Variants in GTF2F2 observed in about 807,000 individuals in gnomAD.
GTF2F2 encodes general transcription factor IIF subunit 2.
In GTF2F2, 23 loss-of-function variants were observed where a neutral mutation model predicts 42.2. The ratio of observed to expected loss-of-function variants is 0.55; its 90% CI spans 0.39 to 0.77. GTF2F2 has a LOEUF of 0.77. Ranked by LOEUF, GTF2F2 falls within the 30% of genes least tolerant of loss-of-function variation. The probability of loss-of-function intolerance (pLI) is 0.00; values close to 1 mark genes in which losing one functional copy is unlikely to be tolerated. For missense variants in GTF2F2, 261 were observed against 287.2 expected (o/e 0.91, Z 0.66); for synonymous variants, 105 against 100.8 (o/e 1.04, Z -0.25).
chr13:45,169,035 G>T (rs553318198), intron 4 of GTF2F2, among the ~76,000 whole-genome samples: 1 of 148,918 alleles, frequency 6.7e-6, no homozygotes, highest in African/African-American at 2.5e-5. Context: ...TCACCCCGTT[G>T]CCCAGGCTGG....
At chr13:45,197,413 G>T (rs1406215535) in intron 4 of GTF2F2, among the ~76,000 whole-genome samples, 1 of 151,226 alleles carries the variant, frequency 6.6e-6, no homozygotes, top group Non-Finnish European at 1.5e-5. Context: ...GGAGGCTGAG[G>T]CAGGAGAATC....
chr13:45,124,405 T>C (rs975270603), intron 1 of GTF2F2, among the ~76,000 whole-genome samples: 2 of 150,200 alleles, frequency 1.3e-5, no homozygotes, highest in East Asian at 2.1e-4. Flanking sequence ...TTTTAAAAAA[T>C]TATTTTTGCG....
intron 4 of GTF2F2, 59 bp downstream of exon 4, chr13:45,151,890 C>A: frequency 1.3e-5 from 7 of 530,872 alleles, no homozygotes; most frequent in South Asian, 3.2e-5. Flanking sequence ...GATTTTCTGT[C>A]TCAACATACA....
intron 4 of GTF2F2, among the ~76,000 whole-genome samples, chr13:45,179,624 T>G (rs1417579971): frequency 6.6e-6 from 1 of 152,228 alleles, no homozygotes; most frequent in African/African-American, 2.4e-5. Context: ...CCCTCATGCC[T>G]TGGGAGGCTG....
chr13:45,227,744 T>A (rs1874430429), intron 5 of GTF2F2, among the ~76,000 whole-genome samples: 2 of 152,208 alleles, frequency 1.3e-5, no homozygotes, highest in African/African-American at 4.8e-5. Context: ...ACATATTGGG[T>A]TATTTTTCCT....
At chr13:45,147,298 G>A (rs1349738403) in intron 2 of GTF2F2, among the ~76,000 whole-genome samples, 1 of 152,136 alleles carries the variant, frequency 6.6e-6, no homozygotes, top group Non-Finnish European at 1.5e-5. Flanking sequence ...TACTTTCTAT[G>A]TGGGTGTTTG....
At chr13:45,217,766 T>A (rs1025316785) in intron 5 of GTF2F2, among the ~76,000 whole-genome samples, 3 of 152,350 alleles carry the variant, frequency 2.0e-5, no homozygotes, top group African/African-American at 7.2e-5. Context: ...TCACTCACAG[T>A]TGAAAATCAA....
At chr13:45,120,785 C>A in intron 1 of GTF2F2, 64 bp downstream of exon 1, 1 of 1,219,880 alleles carries the variant, frequency 8.2e-7, no homozygotes, top group Non-Finnish European at 1.2e-6. Context: ...GTAACTTGAG[C>A]CTATCCCGCT....
At position 45,284,310 on chromosome 13, in the gene GTF2F2, G is replaced by A. The variant is rs1241681631; in HGVS notation, c.*749G>A. ...CCCCCAGAATTTTACTGCTTACCCA[G>A]CAGACATGTATTGACCATCACATGG... On this transcript the variant is annotated 3_prime_UTR_variant, in exon 8 of 8. Transcript: ENST00000340473. 1 of 152,024 alleles carries A rather than the reference G, an allele frequency of 6.6e-6. No individual in the cohort carries two copies. The highest frequency in any genetic ancestry group is 2.4e-5 in the African/African-American group (1 of 41,386). The allele number at this position is 152,024 out of a possible 1,614,324, so 9.4% of individuals were successfully genotyped here.
intron 7 of GTF2F2, among the ~76,000 whole-genome samples, chr13:45,273,038 G>A (rs986912552): frequency 1.4e-5 from 2 of 146,552 alleles, no homozygotes. Context: ...GCAGTTCTCT[G>A]CCTCAGCCTC....
chr13:45,187,347 C>T (rs1872469005), intron 4 of GTF2F2, among the ~76,000 whole-genome samples: 1 of 152,018 alleles, frequency 6.6e-6, no homozygotes, highest in Non-Finnish European at 1.5e-5. Context: ...TGAAATAAAA[C>T]TAGAATTTGT....
chr13:45,150,575 C>T (rs1870437315), intron 3 of GTF2F2, among the ~76,000 whole-genome samples: 1 of 151,096 alleles, frequency 6.6e-6, no homozygotes, highest in Non-Finnish European at 1.5e-5. Flanking sequence ...ATGCCAGGCA[C>T]TCTGCTAGAT....
At chr13:45,232,574 A>G (rs540629451) in intron 5 of GTF2F2, among the ~76,000 whole-genome samples, 1 of 152,258 alleles carries the variant, frequency 6.6e-6, no homozygotes, top group South Asian at 2.1e-4. Context: ...GGTTGAGGCT[A>G]CAGTGACCTA....
intron 2 of GTF2F2, among the ~76,000 whole-genome samples, chr13:45,141,986 CT>C (rs1869950429): frequency 1.3e-5 from 2 of 152,172 alleles, no homozygotes; most frequent in Non-Finnish European, 2.9e-5. Context: ...GTATGTAGTT[CT>C]GAGGCTTTGG....
chr13:45,271,670 GC>G (rs1305041676), intron 7 of GTF2F2, among the ~76,000 whole-genome samples: 1 of 151,956 alleles, frequency 6.6e-6, no homozygotes, highest in Non-Finnish European at 1.5e-5. Flanking sequence ...TCCTGCCTCA[GC>G]CCCCCGAGTA....
At position 45,148,189 on chromosome 13, in the gene GTF2F2, A is replaced by G. The variant is rs568957707; in HGVS notation, c.141-1581A>G. 7.9e-4 allele frequency among the ~76,000 whole-genome samples: 121 copies of G among 152,290 alleles called. 2 individuals are homozygous for G. The highest frequency in any genetic ancestry group is 6.2e-4 in the Non-Finnish European group (42 of 68,016). ...GTTATGGAGAAACAGTGGTTTTCTAATTGGTCTTCCTATCTCTAGTCACCT... is the reference window on the plus strand; with the variant it reads ...GTTATGGAGAAACAGTGGTTTTCTAGTTGGTCTTCCTATCTCTAGTCACCT... On this transcript the variant is annotated intron_variant, in intron 2 of 7. Coordinates refer to ENST00000340473, the MANE Select transcript of GTF2F2 (RefSeq NM_004128.3).
intron 1 of GTF2F2, among the ~76,000 whole-genome samples, chr13:45,121,859 TA>T (rs1405321416): frequency 6.6e-6 from 1 of 152,188 alleles, no homozygotes; most frequent in Non-Finnish European, 1.5e-5. Flanking sequence ...ATGGATTAAA[TA>T]GGCATTTCTC....
intron 5 of GTF2F2, among the ~76,000 whole-genome samples, chr13:45,211,374 G>T (rs200436593): frequency 1.6e-3 from 216 of 136,746 alleles, no homozygotes; most frequent in South Asian, 4.9e-3. Flanking sequence ...AATTTTTTTT[G>T]TTTTTTTTTT....
chr13:45,176,811 G>C lies in GTF2F2; in HGVS notation c.304+24980G>C, dbSNP rs557802301. On this transcript the variant is annotated intron_variant, in intron 4 of 7. Transcript: ENST00000340473. ...TCTTTTCTTCTTTTTTTTTGGGGGG[G>C]ACGGTCTCGCTCCACCCAGGCTGGA... 2.6e-4 allele frequency among the ~76,000 whole-genome samples: 40 copies of C among 151,524 alleles called. No homozygotes were observed. In the South Asian group the frequency reaches 8.2e-3, roughly 31 times the overall value.
Sources: allele counts gnomAD v4.1 joint callset (sites outside exome capture counted in the v4.1 genomes callset), GRCh38; gene constraint gnomAD v4.1.1; transcripts MANE v1.5; gene names NCBI Gene and HGNC (gene_info 2026-07-23, HGNC 2026-07-21).